Variants in DOCK4 observed in about 807,000 individuals in gnomAD.
DOCK4 encodes the protein dedicator of cytokinesis protein 4.
Under a neutral mutation model 268.1 loss-of-function variants are expected in DOCK4, and 97 were observed. That is an observed-to-expected ratio of 0.36 (90% CI 0.31 to 0.43). The LOEUF (loss-of-function observed/expected upper bound fraction) is 0.43, where lower values mean the gene tolerates loss of function less well. Ranked by LOEUF, DOCK4 falls within the 20% of genes least tolerant of loss-of-function variation. DOCK4 has a pLI of 1.00. For missense variants in DOCK4, 2,145 were observed against 2,455.7 expected, an observed-to-expected ratio of 0.87 and a Z score of 2.67; for synonymous variants, 954 against 887.2, an observed-to-expected ratio of 1.08 and a Z score of -1.34.
chr7:111,838,684 G>T (rs532843584), intron 25 of DOCK4, among the ~76,000 whole-genome samples: 55 of 152,166 alleles, frequency 3.6e-4, no homozygotes, highest in African/African-American at 1.3e-3. Flanking sequence ...CAAAAAGCAG[G>T]TCAGTAGTTG....
intron 6 of DOCK4, among the ~76,000 whole-genome samples, chr7:111,988,288 C>G (rs767781301): frequency 2.2e-4 from 34 of 152,294 alleles, no homozygotes; most frequent in African/African-American, 8.2e-4. Flanking sequence ...CTAAACCTCA[C>G]GCAACCCTAG....
At chr7:112,201,897 T>C (rs935188348) in intron 1 of DOCK4, among the ~76,000 whole-genome samples, 1 of 152,248 alleles carries the variant, frequency 6.6e-6, no homozygotes, top group African/African-American at 2.4e-5. Context: ...TCTATATTTA[T>C]GAAGTAAACT....
chr7:111,935,753 T>G, intron 11 of DOCK4, 125 bp from the exon 12 acceptor site: 1 of 745,418 alleles, frequency 1.3e-6, no homozygotes, highest in Admixed American at 2.6e-5. Context: ...CCCATCAACC[T>G]GCTGCAACTG....
At chr7:111,799,324 C>T (rs1800108153) in intron 30 of DOCK4, among the ~76,000 whole-genome samples, 1 of 152,172 alleles carries the variant, frequency 6.6e-6, no homozygotes, top group Non-Finnish European at 1.5e-5. Flanking sequence ...CAGAAAACCT[C>T]TAAATTGGTT....
At chr7:111,755,913 C>G (rs1252152691) in intron 41 of DOCK4, among the ~76,000 whole-genome samples, 1 of 152,208 alleles carries the variant, frequency 6.6e-6, no homozygotes, top group East Asian at 1.9e-4. Context: ...CTAATTCAAA[C>G]TCTCTTCACT....
intron 1 of DOCK4, among the ~76,000 whole-genome samples, chr7:112,091,424 G>A (rs1809619285): frequency 6.6e-6 from 1 of 152,162 alleles, no homozygotes; most frequent in South Asian, 2.1e-4. Context: ...TGCCCTACCT[G>A]CACACCTAAG....
chr7:112,175,483 T>C (rs190026637), intron 1 of DOCK4, among the ~76,000 whole-genome samples: 3 of 152,234 alleles, frequency 2.0e-5, no homozygotes, highest in Admixed American at 1.3e-4. Flanking sequence ...GTATTAATCA[T>C]CCTATCATAT....
chr7:111,798,595 A>G (rs1377531746), intron 30 of DOCK4, among the ~76,000 whole-genome samples: 1 of 152,224 alleles, frequency 6.6e-6, no homozygotes, highest in African/African-American at 2.4e-5. Flanking sequence ...ACCCTAGGAA[A>G]TAATTTAACT....
intron 1 of DOCK4, among the ~76,000 whole-genome samples, chr7:112,144,899 C>T (rs976589153): frequency 6.6e-6 from 1 of 152,090 alleles, no homozygotes; most frequent in Non-Finnish European, 1.5e-5. Context: ...GAATCTCATC[C>T]CAGAATATGC....
At chr7:112,080,779 C>T (rs1464567918) in intron 1 of DOCK4, among the ~76,000 whole-genome samples, 3 of 152,280 alleles carry the variant, frequency 2.0e-5, no homozygotes, top group South Asian at 4.1e-4. Flanking sequence ...TCAAAGAAAA[C>T]ATCTTATGTC....
At position 112,044,117 on chromosome 7, in the gene DOCK4, A is replaced by G. The variant is rs931777225; in HGVS notation, c.38-39986T>C. On this transcript the variant is annotated intron_variant, in intron 1 of 52. Transcript: ENST00000428084. ...AAGGAAACTGAAGCACAGAGAAGCTATATAATTTAACCAAGGTCATACAGT... is the reference window on the plus strand; with the variant it reads ...AAGGAAACTGAAGCACAGAGAAGCTGTATAATTTAACCAAGGTCATACAGT... 2.8e-4 allele frequency among the ~76,000 whole-genome samples: 43 copies of G among 152,188 alleles called. 2 individuals are homozygous for G.
At chr7:112,151,131 T>G (rs1453026207) in intron 1 of DOCK4, among the ~76,000 whole-genome samples, 1 of 152,186 alleles carries the variant, frequency 6.6e-6, no homozygotes, top group Non-Finnish European at 1.5e-5. Flanking sequence ...TATGATGTAA[T>G]ACACAGCTCT....
At chr7:112,140,983 A>C (rs1287894132) in intron 1 of DOCK4, among the ~76,000 whole-genome samples, 1 of 151,710 alleles carries the variant, frequency 6.6e-6, no homozygotes, top group Non-Finnish European at 1.5e-5. Context: ...TTCTTTCTAA[A>C]TGCCCTGTCT....
At chr7:111,981,362 G>A (rs1244826103) in intron 7 of DOCK4, among the ~76,000 whole-genome samples, 2 of 152,072 alleles carry the variant, frequency 1.3e-5, no homozygotes, top group African/African-American at 4.8e-5. Flanking sequence ...TCTTATTATT[G>A]CTAGGCCAGG....
Position 111,860,549 on chromosome 7 carries a change from C to T in DOCK4, c.2473+2823G>A, listed in dbSNP as rs574777368. On this transcript the variant is annotated intron_variant, in intron 23 of 52. Transcript: ENST00000428084. ...CCACTGTTGCTTCTCCATAATCATT[C>T]TCCATGTGTGGGACCTTCCCACACA... 2.0e-5 allele frequency among the ~76,000 whole-genome samples: 3 copies of T among 152,364 alleles called. No individual in the cohort carries two copies. The East Asian group carries it at 5.8e-4, about 29-fold the overall frequency.
intron 30 of DOCK4, among the ~76,000 whole-genome samples, chr7:111,795,168 T>C (rs1799804492): frequency 6.6e-6 from 1 of 152,124 alleles, no homozygotes; most frequent in Non-Finnish European, 1.5e-5. Context: ...CACCTGGGCC[T>C]TGTCAAATAA....
intron 1 of DOCK4, among the ~76,000 whole-genome samples, chr7:112,105,602 CT>C (rs1262181392): frequency 6.7e-6 from 1 of 149,230 alleles, no homozygotes. Flanking sequence ...AAGGTTTCTT[CT>C]TTCTTCTTTC....
intron 1 of DOCK4, among the ~76,000 whole-genome samples, chr7:112,109,467 T>C (rs1159310612): frequency 6.6e-6 from 1 of 152,142 alleles, no homozygotes; most frequent in African/African-American, 2.4e-5. Flanking sequence ...TTGAAGAAAA[T>C]GCTCTATAAA....
At chr7:112,041,464 T>G (rs1264363197) in intron 1 of DOCK4, among the ~76,000 whole-genome samples, 1 of 152,214 alleles carries the variant, frequency 6.6e-6, no homozygotes, top group Admixed American at 6.5e-5. Flanking sequence ...TGGTGGGGTC[T>G]TTGACAAACT....
Sources: gnomAD v4.1 joint callset for allele counts (sites outside exome capture counted in the v4.1 genomes callset) on GRCh38, gnomAD v4.1.1 for gene constraint, MANE v1.5 for transcripts, NCBI Gene and HGNC (gene_info 2026-07-23, HGNC 2026-07-21) for gene names.